Variants in SNX30 observed in about 807,000 individuals in gnomAD.
The protein encoded by SNX30 is sorting nexin-30.
Under a neutral mutation model 46.4 loss-of-function variants are expected in SNX30, and 24 were observed. The observed-to-expected ratio is 0.52, with a 90% CI of 0.37 to 0.73. The LOEUF (loss-of-function observed/expected upper bound fraction) is 0.73, where lower values mean the gene tolerates loss of function less well. Ranked by LOEUF, SNX30 falls within the 30% of genes least tolerant of loss-of-function variation. SNX30 has a pLI of 0.00. For synonymous variants in SNX30, 189 were observed against 211.5 expected, an observed-to-expected ratio of 0.89 and a Z score of 0.92; for missense variants, 533 against 555.7, an observed-to-expected ratio of 0.96 and a Z score of 0.41.
chr9:112,778,005 G>A (rs1839777620), intron 1 of SNX30, among the ~76,000 whole-genome samples: 2 of 152,110 alleles, frequency 1.3e-5, no homozygotes, highest in South Asian at 2.1e-4. Context: ...GGTGTCTCTT[G>A]TATTTGGAGT....
Position 112,751,116 on chromosome 9 carries a change from C to A in SNX30, c.115C>A (p.Pro39Thr). Residue 39 changes from proline to threonine, a missense_variant, in exon 1 of 9, where the codon CCC (proline) becomes ACC (threonine). Around this residue, in one of 3 missense-constraint regions of SNX30, gnomAD observed 191 missense variants for 160.3 expected, o/e 1.19. Transcript: ENST00000374232. ...GGAGGCCGTGGGTGGTGACAGCACG[C>A]CCAGCCCGGACCTGCTGATGGCCCG... ...SEEAVGGDST[P>T]SPDLLMARSF... 6.6e-7 allele frequency: 1 copy of A among 1,520,770 alleles called. No individual in the cohort carries two copies. 94.2% of individuals were successfully genotyped at this position (1,520,770 alleles called of 1,614,324 possible).
intron 2 of SNX30, among the ~76,000 whole-genome samples, chr9:112,815,379 G>T (rs1229059242): frequency 2.1e-5 from 3 of 145,246 alleles, no homozygotes; most frequent in African/African-American, 7.7e-5. Flanking sequence ...TTTTTTTTGA[G>T]ACAGGGTCTC....
At chr9:112,832,832 A>T (rs1817755243) in intron 4 of SNX30, among the ~76,000 whole-genome samples, 1 of 146,862 alleles carries the variant, frequency 6.8e-6, no homozygotes, top group Admixed American at 6.9e-5. Context: ...AATATATAAT[A>T]AATATATTAA....
intron 5 of SNX30, among the ~76,000 whole-genome samples, chr9:112,837,379 G>A (rs1470981400): frequency 2.0e-5 from 3 of 152,114 alleles, no homozygotes; most frequent in Middle Eastern, 3.2e-3. Context: ...GAGTGATAGA[G>A]TGAGTCTGCC....
chr9:112,868,696 C>A, intron 8 of SNX30, 88 bp from the exon 9 acceptor site: 2 of 1,408,200 alleles, frequency 1.4e-6, no homozygotes, highest in Non-Finnish European at 2.0e-6. Flanking sequence ...GCAGGATCGA[C>A]AACGAAAGGG....
intron 7 of SNX30, among the ~76,000 whole-genome samples, chr9:112,857,805 CATCCATCT>C (rs1841160259): frequency 1.3e-4 from 20 of 151,900 alleles, no homozygotes; most frequent in African/African-American, 3.9e-4. Flanking sequence ...ACCATCCATC[CATCCATCT>C]ATCTATTTAT....
intron 2 of SNX30, among the ~76,000 whole-genome samples, chr9:112,808,028 GTCT>G (rs1564275618): frequency 6.6e-6 from 1 of 152,188 alleles, no homozygotes; most frequent in East Asian, 1.9e-4. Context: ...AACCAGAGTT[GTCT>G]TCTTTTCCTG....
intron 6 of SNX30, among the ~76,000 whole-genome samples, chr9:112,841,220 G>GT (rs138375627): frequency 0.017 from 2,625 of 152,000 alleles, 84 homozygotes; most frequent in African/African-American, 0.057. Context: ...AAATTACTCT[G>GT]TTTTTTTTCC....
chr9:112,798,323 C>G (rs1840148660), intron 1 of SNX30, among the ~76,000 whole-genome samples: 1 of 52,516 alleles, frequency 1.9e-5, no homozygotes, highest in Non-Finnish European at 3.7e-5. Flanking sequence ...ATTCCCCTTC[C>G]TGTGTCCATG....
chr9:112,882,158 GCA>G (rs1841585246), downstream of SNX30, among the ~76,000 whole-genome samples: 1 of 152,178 alleles, frequency 6.6e-6, no homozygotes, highest in Non-Finnish European at 1.5e-5. Flanking sequence ...CCAGGCTGAA[GCA>G]CAGTGTCATG....
chr9:112,859,987 C>G (rs1841202141), intron 7 of SNX30, among the ~76,000 whole-genome samples: 1 of 149,380 alleles, frequency 6.7e-6, no homozygotes, highest in African/African-American at 2.5e-5. Flanking sequence ...CGCTCTGTCG[C>G]CAGGCTGGAG....
intron 1 of SNX30, among the ~76,000 whole-genome samples, chr9:112,770,324 A>C (rs567762914): frequency 2.6e-4 from 40 of 151,936 alleles, no homozygotes; most frequent in African/African-American, 9.4e-4. Flanking sequence ...GGCACCTGCC[A>C]CCACACCCGA....
chr9:112,855,672 G>A (rs1387817063), intron 7 of SNX30, among the ~76,000 whole-genome samples: 1 of 152,186 alleles, frequency 6.6e-6, no homozygotes, highest in Middle Eastern at 3.2e-3. Context: ...GAATGGTGGT[G>A]TCCTAGAATG....
intron 5 of SNX30, among the ~76,000 whole-genome samples, chr9:112,881,137 TCTGAA>T (rs1841571817): frequency 6.6e-6 from 1 of 152,182 alleles, no homozygotes; most frequent in African/African-American, 2.4e-5. Context: ...AGCAATTAGG[TCTGAA>T]CTGAAGTCCT....
At chr9:112,752,498 A>G (rs1839293646) in intron 1 of SNX30, among the ~76,000 whole-genome samples, 1 of 152,094 alleles carries the variant, frequency 6.6e-6, no homozygotes, top group African/African-American at 2.4e-5. Flanking sequence ...CAGGCTACTC[A>G]GGAGGCTGAG....
chr9:112,758,426 C>T (rs1839384594), intron 1 of SNX30, among the ~76,000 whole-genome samples: 2 of 152,192 alleles, frequency 1.3e-5, no homozygotes, highest in South Asian at 4.1e-4. Context: ...GCCTCCTGGG[C>T]TCAAGAGATT....
intron 3 of SNX30, 31 bp from the exon 4 acceptor site, chr9:112,830,690 CAATT>C: frequency 6.3e-7 from 1 of 1,589,300 alleles, no homozygotes; most frequent in Non-Finnish European, 8.5e-7. Context: ...ACCATCTCAT[CAATT>C]ACTCTGGTTT....
chr9:112,861,878 G>A (rs1202967184), intron 7 of SNX30, among the ~76,000 whole-genome samples: 2 of 152,118 alleles, frequency 1.3e-5, no homozygotes, highest in African/African-American at 2.4e-5. Flanking sequence ...CAGGTTGGCC[G>A]CCCCCTCCAT....
At chr9:112,835,260 C>T (rs1195911568) in intron 4 of SNX30, among the ~76,000 whole-genome samples, 1 of 152,080 alleles carries the variant, frequency 6.6e-6, no homozygotes, top group Non-Finnish European at 1.5e-5. Flanking sequence ...CACAGGACAA[C>T]CTGAAGATTG....
Sources: allele counts gnomAD v4.1 joint callset (sites outside exome capture counted in the v4.1 genomes callset), GRCh38; gene constraint gnomAD v4.1.1; regional missense constraint gnomAD v4.1.1; transcripts MANE v1.5; gene names NCBI Gene and HGNC (gene_info 2026-07-23, HGNC 2026-07-21).